Variants in RASGRP2 observed in about 807,000 individuals in gnomAD.
RASGRP2 encodes the protein RAS guanyl releasing protein 2.
Under a neutral mutation model 71.0 loss-of-function variants are expected in RASGRP2, and 44 were observed. The ratio of observed to expected loss-of-function variants is 0.62; its 90% CI spans 0.49 to 0.80. RASGRP2 has a LOEUF of 0.80. Among genes scored for constraint, RASGRP2 ranks in the 30% least tolerant of loss-of-function variants. The pLI is 0.00. For synonymous variants in RASGRP2, 350 were observed against 330.7 expected (o/e 1.06, Z -0.63); for missense variants, 663 against 813.4 (o/e 0.82, Z 2.25).
At chr11:64,745,219 T>TG (rs1434896729), upstream of RASGRP2, 1 of 149,558 alleles carries the variant, frequency 6.7e-6, no homozygotes, top group Non-Finnish European at 1.5e-5. Flanking sequence ...CGGACTGCGG[T>TG]GGGGAAGGGG....
intron 8 of RASGRP2, among the ~76,000 whole-genome samples, chr11:64,738,617 TTAG>T (rs1327736993): frequency 6.6e-6 from 1 of 151,930 alleles, no homozygotes; most frequent in Non-Finnish European, 1.5e-5. Context: ...TTTTTGTATT[TTAG>T]TAGAGATGGG....
chr11:64,730,514 G>A (rs1212852393), intron 12 of RASGRP2, among the ~76,000 whole-genome samples: 2 of 152,238 alleles, frequency 1.3e-5, no homozygotes, highest in Non-Finnish European at 2.9e-5. Flanking sequence ...CTCCCGAAGT[G>A]TACTGTGTGC....
chr11:64,730,945 G>A (rs1406382879), intron 12 of RASGRP2, among the ~76,000 whole-genome samples: 1 of 152,214 alleles, frequency 6.6e-6, no homozygotes, highest in Non-Finnish European at 1.5e-5. Context: ...GCCACCAAGT[G>A]CTATTCCCAT....
rs555258671 is a variant in RASGRP2 at position 64,742,990 on chromosome 11, G to A, written c.-71-53C>T. 450 of 1,503,222 alleles carry A rather than the reference G, an allele frequency of 3.0e-4. 6 individuals are homozygous for A. In the South Asian group the frequency reaches 5.0e-3, roughly 17 times the overall value. The allele number at this position is 1,503,222 out of a possible 1,614,324, so 93.1% of individuals were successfully genotyped here. A position where few individuals can be genotyped will look rare whatever the true frequency, so the allele number is the denominator to read the frequency against. On this transcript the variant is annotated intron_variant, in intron 1 of 16. Transcript: ENST00000394432. The surrounding 1 kb of genome is among the most constrained non-coding windows in gnomAD (Gnocchi z 4.7). ...CTGCGGAGTCGCGGGCGGGGGAGCG[G>A]CCCCGCGGGCAGAAACGGGGCGGGG...
At chr11:64,729,684 C>G in intron 14 of RASGRP2, 78 bp downstream of exon 14, 1 of 1,557,304 alleles carries the variant, frequency 6.4e-7, no homozygotes, top group Non-Finnish European at 8.8e-7. Flanking sequence ...ATTGCCCCAC[C>G]AAAACAGTAA....
At chr11:64,732,640 G>A (rs1326347463) in intron 12 of RASGRP2, among the ~76,000 whole-genome samples, 1 of 152,150 alleles carries the variant, frequency 6.6e-6, no homozygotes, top group Admixed American at 6.5e-5. Context: ...AATTAGCCGG[G>A]CACGGTGGTG....
In RASGRP2 at chr11:64,739,140, T is replaced by TAA. The variant is rs765864450; in HGVS notation, c.813+218_813+219dup. Among the ~76,000 whole-genome samples, 2,342 of 134,922 alleles carry TAA rather than the reference T, an allele frequency of 0.017. 59 individuals are homozygous for TAA. The highest frequency in any genetic ancestry group is 0.06 in the African/African-American group (2,207 of 36,656). The allele number at this position is 134,922 out of a possible 152,430, so 88.5% of individuals were successfully genotyped here. A position where few individuals can be genotyped will look rare whatever the true frequency, so the allele number is the denominator to read the frequency against. ...GACAACAGAGAGAGAGACCCTGTCT[T>TAA]AAAAAAAAAAAAAAAAGTACTAGCT... is the stretch of plus-strand genomic sequence containing the variant. On this transcript the variant is annotated intron_variant, in intron 8 of 16. Coordinates refer to ENST00000394432, the MANE Select transcript of RASGRP2 (RefSeq NM_001098671.2). The surrounding 1 kb of genome is among the most constrained non-coding windows in gnomAD (Gnocchi z 4.2).
intron 8 of RASGRP2, among the ~76,000 whole-genome samples, chr11:64,738,790 T>C (rs548380142): frequency 2.3e-4 from 35 of 152,004 alleles, no homozygotes; most frequent in Admixed American, 5.2e-4. Flanking sequence ...TACTTCAAAA[T>C]ACTTCAAAAA....
chr11:64,729,045 G>C lies in RASGRP2; in HGVS notation c.1592-3C>G, dbSNP rs75902820. The C allele has an allele frequency of 1.9e-6, 3 of 1,591,756 alleles. No homozygotes were observed. The highest frequency in any genetic ancestry group is 2.6e-6 in the Non-Finnish European group (3 of 1,174,962). ...CTTGTGGCAGTTCACTCCACAGGCT[G>C]GGGGAGAGCAAATGGAGAGCCAGCC... On this transcript the variant is annotated splice_region_variant and splice_polypyrimidine_tract_variant and intron_variant, in intron 14 of 16. Transcript: ENST00000394432.
chr11:64,733,743 C>T (rs1459301468), intron 12 of RASGRP2, among the ~76,000 whole-genome samples: 1 of 152,146 alleles, frequency 6.6e-6, no homozygotes, highest in Non-Finnish European at 1.5e-5. Flanking sequence ...GAAAAGAAGA[C>T]TGGAAGAATC....
chr11:64,729,902 C>T, intron 13 of RASGRP2, 104 bp from the exon 14 acceptor site: 1 of 1,571,296 alleles, frequency 6.4e-7, no homozygotes, highest in African/African-American at 1.4e-5. Flanking sequence ...CGCCTCAGGG[C>T]CCCGGGCAGA....
intron 12 of RASGRP2, among the ~76,000 whole-genome samples, chr11:64,732,758 G>A (rs2135743031): frequency 6.6e-6 from 1 of 151,326 alleles, no homozygotes; most frequent in South Asian, 2.1e-4. Context: ...TCCAGTCTGG[G>A]TGACAGAGTG....
chr11:64,744,042 T>A lies in RASGRP2; in HGVS notation c.-111A>T. On this transcript the variant is annotated 5_prime_UTR_variant, in exon 1 of 17. Transcript: ENST00000394432. ...CCAGAATGCAAACCCGCGGACGAGG[T>A]CGCCTCCTGGACGTGCTGTTCACTT... 1 of 988,394 alleles carries A rather than the reference T, an allele frequency of 1.0e-6. No homozygotes were observed. The highest frequency in any genetic ancestry group is 1.2e-6 in the Non-Finnish European group (1 of 831,180). 61.2% of individuals were successfully genotyped at this position (988,394 alleles called of 1,614,324 possible).
rs1388790152 is a variant in RASGRP2 at position 64,742,231 on chromosome 11, T to A, written c.74-119A>T. 6.4e-5 allele frequency: 50 copies of A among 784,832 alleles called. No individual in the cohort carries two copies. The Admixed American group carries it at 1.0e-3, about 16-fold the overall frequency. 48.6% of individuals were successfully genotyped at this position (784,832 alleles called of 1,614,324 possible). On this transcript the variant is annotated intron_variant, in intron 2 of 16. Transcript: ENST00000394432. The surrounding 1 kb of genome is among the most constrained non-coding windows in gnomAD (Gnocchi z 4.7). ...GGGTGCACGCTCGACCCCGCCCACC[T>A]CCTGCTTGCCCAGGACTCCGAGAGC...
rs780839242 is a variant in RASGRP2, at chr11:64,739,389, G to T, written c.784C>A (p.His262Asn). The change falls in exon 8 of 17, where the codon CAC becomes AAC. Residue 262 changes from histidine (H) to asparagine (N), a missense_variant. Physicochemically the swap from His to Asn is moderately conservative, Grantham distance 68 (BLOSUM62 1). Transcript: ENST00000394432. This position sits in a 1 kb window ranked among gnomAD's most constrained non-coding sequence, Gnocchi z 4.2. ...ATGGTCTCAGGGCTAACGTGGCTGT[G>T]GGTCTCCTTGAGGCGGGAGATGGAG... ...HSSISRLKET[H>N]SHVSPETIKL... 2.5e-6 allele frequency: 4 copies of T among 1,614,176 alleles called. No homozygotes were observed. The Middle Eastern group carries it at 4.9e-4, about 200-fold the overall frequency.
chr11:64,739,481 A>T lies in RASGRP2; in HGVS notation c.697-5T>A, dbSNP rs1376956035. The stretch of plus-strand genomic sequence containing the variant: ...GTTCTGCAGCTGTAGCAGCTTCTGG[A>T]AGGCAAATGGGGACGGAGAGGCAGG... On this transcript the variant is annotated splice_region_variant and splice_polypyrimidine_tract_variant and intron_variant, in intron 7 of 16. Transcript: ENST00000394432. This position sits in a 1 kb window ranked among gnomAD's most constrained non-coding sequence, Gnocchi z 4.2. The T allele has an allele frequency of 1.9e-6, 3 of 1,613,880 alleles. No homozygotes were observed. In the African/African-American group the frequency reaches 4.0e-5, roughly 22 times the overall value.
Position 64,743,894 on chromosome 11 carries a change from C to T in RASGRP2, c.-72+109G>A. ...CTAAGTGGAGGTGCAGGCGTCCGCACTTACACGCACCGGGCCACAGGCACC... is the reference window on the plus strand; with the variant it reads ...CTAAGTGGAGGTGCAGGCGTCCGCATTTACACGCACCGGGCCACAGGCACC... On this transcript the variant is annotated intron_variant, in intron 1 of 16. Transcript: ENST00000394432. The surrounding 1 kb of genome is among the most constrained non-coding windows in gnomAD (Gnocchi z 4.9). The T allele has an allele frequency of 2.5e-6, 2 of 810,382 alleles. No individual in the cohort carries two copies. The highest frequency in any genetic ancestry group is 3.0e-6 in the Non-Finnish European group (2 of 656,910). The allele number at this position is 810,382 out of a possible 1,614,324, so 50.2% of individuals were successfully genotyped here. A position where few individuals can be genotyped will look rare whatever the true frequency, so the allele number is the denominator to read the frequency against.
Position 64,742,181 on chromosome 11 carries a change from G to T in RASGRP2, c.74-69C>A. On this transcript the variant is annotated intron_variant, in intron 2 of 16. Transcript: ENST00000394432. This position sits in a 1 kb window ranked among gnomAD's most constrained non-coding sequence, Gnocchi z 4.7. ...AGCTACCATGCCTCATCCTCACCCC[G>T]CAACCCGCCAGGTATCGGTCCTTCG... 2 of 1,241,874 alleles carry T rather than the reference G, an allele frequency of 1.6e-6. No individual in the cohort carries two copies. The highest frequency in any genetic ancestry group is 2.3e-6 in the Non-Finnish European group (2 of 865,422). 76.9% of individuals were successfully genotyped at this position (1,241,874 alleles called of 1,614,324 possible).
intron 5 of RASGRP2, 185 bp downstream of exon 5, chr11:64,740,763 G>A: frequency 1.3e-6 from 1 of 766,824 alleles, no homozygotes; most frequent in Non-Finnish European, 2.3e-6. Context: ...TGGTGGCAGT[G>A]GAAGATGAGG....
Sources: allele counts gnomAD v4.1 joint callset (sites outside exome capture counted in the v4.1 genomes callset), GRCh38; gene constraint gnomAD v4.1.1; non-coding constraint Gnocchi (gnomAD v3.1); transcripts MANE v1.5; gene names NCBI Gene and HGNC (gene_info 2026-07-23, HGNC 2026-07-21).